Variants in PRKN observed in about 807,000 individuals in gnomAD.
The protein encoded by PRKN is parkin RBR E3 ubiquitin protein ligase.
Under a neutral mutation model 59.5 loss-of-function variants are expected in PRKN, and 56 were observed. The ratio of observed to expected loss-of-function variants is 0.94; its 90% CI spans 0.76 to 1.18. The LOEUF (loss-of-function observed/expected upper bound fraction) is 1.18, where lower values mean the gene tolerates loss of function less well. Among genes scored for constraint, PRKN ranks in the 50% most tolerant of loss-of-function variants. The pLI, the probability that PRKN is intolerant of heterozygous loss-of-function variation, is 0.00. For synonymous variants in PRKN, 250 were observed against 222.1 expected (o/e 1.13, Z -1.12); for missense variants, 657 against 596.4 (o/e 1.10, Z -1.06).
chr6:161,654,733 T>C (rs1294966188), intron 7 of PRKN, among the ~76,000 whole-genome samples: 2 of 152,148 alleles, frequency 1.3e-5, no homozygotes, highest in Non-Finnish European at 2.9e-5. Flanking sequence ...ACAGTGAGCA[T>C]GGTGGTGGCG....
intron 3 of PRKN, among the ~76,000 whole-genome samples, chr6:162,253,979 C>A (rs1014591415): frequency 2.0e-5 from 3 of 152,250 alleles, no homozygotes; most frequent in South Asian, 2.1e-4. Flanking sequence ...TGAAAACTTT[C>A]AAATCATACT....
chr6:161,775,571 T>C (rs536647306), intron 7 of PRKN, among the ~76,000 whole-genome samples: 50 of 152,358 alleles, frequency 3.3e-4, no homozygotes, highest in Admixed American at 2.7e-3. Flanking sequence ...ACTAATTATG[T>C]TGAATTTTTA....
In PRKN at chr6:161,459,754, A is replaced by G. The variant is rs1284400232; in HGVS notation, c.1084-72877T>C. 6.6e-6 allele frequency among the ~76,000 whole-genome samples: 1 copy of G among 152,196 alleles called. No homozygotes were observed. The highest frequency in any genetic ancestry group is 1.5e-5 in the Non-Finnish European group (1 of 68,034). On this transcript the variant is annotated intron_variant, in intron 9 of 11. Transcript: ENST00000366898. This position sits in a 1 kb window ranked among gnomAD's most constrained non-coding sequence, Gnocchi z 4.8. ...TGGTGCCACCATAACATTTGCTATA[A>G]TTATAACAGTTCAGTTATTTGGTTT...
chr6:162,644,907 A>G (rs1019089122), intron 1 of PRKN, among the ~76,000 whole-genome samples: 3 of 152,220 alleles, frequency 2.0e-5, no homozygotes, highest in Non-Finnish European at 4.4e-5. Context: ...TAGAAAAAAC[A>G]GTCAAGTTAT....
intron 9 of PRKN, among the ~76,000 whole-genome samples, chr6:161,515,921 T>C (rs906526925): frequency 5.3e-5 from 8 of 152,214 alleles, no homozygotes; most frequent in Non-Finnish European, 8.8e-5. Context: ...AACCTGATAA[T>C]TTCTGGCAAA....
At chr6:162,564,747 C>G (rs1402291837) in intron 1 of PRKN, among the ~76,000 whole-genome samples, 1 of 151,992 alleles carries the variant, frequency 6.6e-6, no homozygotes, top group East Asian at 1.9e-4. Context: ...AATAGTGTAT[C>G]TGGCAAAACT....
chr6:162,685,624 G>A (rs1779940134), intron 1 of PRKN, among the ~76,000 whole-genome samples: 1 of 152,098 alleles, frequency 6.6e-6, no homozygotes, highest in Admixed American at 6.6e-5. Flanking sequence ...TAGCCAGAAA[G>A]AAGAAAAGCC....
intron 9 of PRKN, among the ~76,000 whole-genome samples, chr6:161,496,044 A>G (rs1428074799): frequency 6.6e-6 from 1 of 152,246 alleles, no homozygotes; most frequent in East Asian, 1.9e-4. Context: ...CACTTGGCAC[A>G]GTGCTTAGCA....
At chr6:161,902,960 C>A (rs1444551811) in intron 6 of PRKN, among the ~76,000 whole-genome samples, 2 of 152,176 alleles carry the variant, frequency 1.3e-5, no homozygotes, top group African/African-American at 4.8e-5. Context: ...TTGTGTGCTG[C>A]AAGATGGGCA....
intron 9 of PRKN, among the ~76,000 whole-genome samples, chr6:161,408,482 CTTTT>C (rs11313718): frequency 1.5e-5 from 2 of 133,066 alleles, no homozygotes. Context: ...CTAGGTTTTC[CTTTT>C]TTTTTTTTTT....
At position 161,652,451 on chromosome 6, in the gene PRKN, T is replaced by C. The variant is rs1324962867; in HGVS notation, c.872-83035A>G. Among the ~76,000 whole-genome samples, 4 of 152,228 alleles carry C rather than the reference T, an allele frequency of 2.6e-5. No homozygotes were observed. The South Asian group carries it at 6.2e-4, about 24-fold the overall frequency. ...TGAAGGTCTATCAAGTAGACTATAG[T>C]ATTATATTTATATAAGAAAATCTTT... On this transcript the variant is annotated intron_variant, in intron 7 of 11. Transcript: ENST00000366898.
intron 5 of PRKN, among the ~76,000 whole-genome samples, chr6:162,040,663 C>A (rs1177140925): frequency 6.7e-6 from 1 of 149,606 alleles, no homozygotes; most frequent in African/African-American, 2.5e-5. Flanking sequence ...TCAGGTGCCA[C>A]CCACCTCGGC....
intron 1 of PRKN, among the ~76,000 whole-genome samples, chr6:162,613,050 T>C (rs1038639154): frequency 6.6e-6 from 1 of 152,216 alleles, no homozygotes; most frequent in African/African-American, 2.4e-5. Context: ...TCCTGACATG[T>C]TGCCTATGAG....
intron 2 of PRKN, among the ~76,000 whole-genome samples, chr6:162,381,387 A>G (rs969893711): frequency 1.3e-4 from 20 of 152,230 alleles, no homozygotes; most frequent in Admixed American, 1.3e-3. Context: ...TCGATTTTTG[A>G]GATGAACTGG....
At chr6:162,402,879 C>A (rs1787869181) in intron 2 of PRKN, among the ~76,000 whole-genome samples, 1 of 151,948 alleles carries the variant, frequency 6.6e-6, no homozygotes, top group African/African-American at 2.4e-5. Context: ...GTTTCACACT[C>A]CTAGGCTCAA....
chr6:161,423,875 T>C lies in PRKN; in HGVS notation c.1084-36998A>G, dbSNP rs1305788664. 6.6e-6 allele frequency among the ~76,000 whole-genome samples: 1 copy of C among 152,146 alleles called. No homozygotes were observed. The highest frequency in any genetic ancestry group is 1.5e-5 in the Non-Finnish European group (1 of 68,028). ...ACAGGCAGTGCTGAACACAGATCAG[T>C]TAAATGAATGAATATGATCTTTACT... is the stretch of plus-strand genomic sequence containing the variant. On this transcript the variant is annotated intron_variant, in intron 9 of 11. Transcript: ENST00000366898. This position sits in a 1 kb window ranked among gnomAD's most constrained non-coding sequence, Gnocchi z 5.9.
intron 1 of PRKN, among the ~76,000 whole-genome samples, chr6:162,453,760 G>C (rs898894715): frequency 1.3e-5 from 2 of 152,018 alleles, no homozygotes; most frequent in African/African-American, 4.8e-5. Context: ...AAAATTAGCT[G>C]GGCGTGGTGG....
intron 1 of PRKN, among the ~76,000 whole-genome samples, chr6:162,635,044 G>A (rs1038148950): frequency 6.6e-6 from 1 of 152,134 alleles, no homozygotes; most frequent in Non-Finnish European, 1.5e-5. Flanking sequence ...TAAATAATGA[G>A]TTTAATTCTT....
chr6:162,336,878 G>A (rs941582698), intron 2 of PRKN, among the ~76,000 whole-genome samples: 3 of 152,138 alleles, frequency 2.0e-5, no homozygotes, highest in Non-Finnish European at 2.9e-5. Flanking sequence ...GCAGTGCTCT[G>A]GCCATTGTGA....
Sources: gnomAD v4.1 joint callset for allele counts (sites outside exome capture counted in the v4.1 genomes callset) on GRCh38, gnomAD v4.1.1 for gene constraint, Gnocchi (gnomAD v3.1) non-coding constraint, MANE v1.5 for transcripts, NCBI Gene and HGNC (gene_info 2026-07-23, HGNC 2026-07-21) for gene names.